CNTNAP4: variants seen among roughly 807,000 people sequenced by gnomAD.
CNTNAP4 encodes the protein contactin associated protein family member 4, also known as contactin-associated protein-like 4.
Under a neutral mutation model 148.4 loss-of-function variants are expected in CNTNAP4, and 98 were observed. The observed-to-expected ratio is 0.66, with a 90% CI of 0.56 to 0.78. CNTNAP4 has a LOEUF of 0.78. Among genes scored for constraint, CNTNAP4 ranks in the 30% least tolerant of loss-of-function variants. CNTNAP4 has a pLI of 0.00. For missense variants in CNTNAP4, 1,935 were observed against 1,565.6 expected, an observed-to-expected ratio of 1.24 and a Z score of -3.98; for synonymous variants, 730 against 565.1, an observed-to-expected ratio of 1.29 and a Z score of -4.14.
At chr16:76,365,236 A>G (rs1597330019) in intron 3 of CNTNAP4, among the ~76,000 whole-genome samples, 2 of 151,940 alleles carry the variant, frequency 1.3e-5, no homozygotes, top group Non-Finnish European at 2.9e-5. Flanking sequence ...TGGTCTATAT[A>G]TCTGTTTTGA....
At chr16:76,326,507 A>T (rs1211840930) in intron 2 of CNTNAP4, among the ~76,000 whole-genome samples, 1 of 152,202 alleles carries the variant, frequency 6.6e-6, no homozygotes, top group Non-Finnish European at 1.5e-5. Context: ...ATGTATGTTT[A>T]TTGCGGCACT....
At chr16:76,530,212 AT>A (rs1365048067) in intron 17 of CNTNAP4, among the ~76,000 whole-genome samples, 1 of 151,854 alleles carries the variant, frequency 6.6e-6, no homozygotes, top group Admixed American at 6.6e-5. Flanking sequence ...CCAGATTTTT[AT>A]TTTTTTAATT....
intron 15 of CNTNAP4, among the ~76,000 whole-genome samples, chr16:76,511,304 C>T (rs1173352708): frequency 5.9e-5 from 9 of 152,144 alleles, no homozygotes; most frequent in Admixed American, 5.9e-4. Context: ...ATTCTTGAGT[C>T]ACTGGAGTTA....
chr16:76,545,464 G>A lies in CNTNAP4; in HGVS notation c.3442+4674G>A, dbSNP rs913151342. On this transcript the variant is annotated intron_variant, in intron 21 of 23. Coordinates refer to ENST00000611870, the MANE Select transcript of CNTNAP4 (RefSeq NM_033401.5). ...GAAGTTGAGATTTTGTCATAAGCAC[G>A]TATAGTCATAGGCAGGTGGTCCCCG... Among the ~76,000 whole-genome samples the A allele has an allele frequency of 3.3e-5, 5 of 152,240 alleles. No individual in the cohort carries two copies. In the East Asian group the frequency reaches 7.7e-4, roughly 24 times the overall value.
Position 76,516,861 on chromosome 16 carries a change from C to T in CNTNAP4, c.2366-4279C>T, listed in dbSNP as rs112338844. On this transcript the variant is annotated intron_variant, in intron 15 of 23. Transcript: ENST00000611870. ...GGTGGATCACCTGAGGTCAGGAGTT[C>T]GAGACCAGCCTGGCCAACATGGTGA... Among the ~76,000 whole-genome samples the T allele has an allele frequency of 3.9e-3, 587 of 152,218 alleles. 2 individuals carry two copies. Among genetic ancestry groups the T allele is most frequent in the African/African-American group, 0.013 (554 of 41,550 alleles).
intron 1 of CNTNAP4, among the ~76,000 whole-genome samples, chr16:76,284,454 C>T (rs1356762167): frequency 2.0e-5 from 3 of 151,928 alleles, no homozygotes; most frequent in African/African-American, 7.2e-5. Context: ...ACAAAAATTA[C>T]AGAGTTTTGG....
In CNTNAP4 at chr16:76,513,389, AG is replaced by A. The variant is rs148423382; in HGVS notation, c.2366-7749del. Reference sequence around the variant, plus strand: ...TGAAGGAAATATAGTGTGATCGCAGAGGAGCATTGAGTGTGCACACTTGGCA... The same window carrying A: ...TGAAGGAAATATAGTGTGATCGCAGAGAGCATTGAGTGTGCACACTTGGCA... On this transcript the variant is annotated intron_variant, in intron 15 of 23. Coordinates refer to ENST00000611870, the MANE Select transcript of CNTNAP4 (RefSeq NM_033401.5). Among the ~76,000 whole-genome samples, 867 of 152,262 alleles carry A rather than the reference AG, an allele frequency of 5.7e-3. 5 individuals are homozygous for A. The highest frequency in any genetic ancestry group is 0.011 in the South Asian group (51 of 4,828).
At chr16:76,447,587 G>A (rs545266752) in intron 4 of CNTNAP4, among the ~76,000 whole-genome samples, 36 of 152,124 alleles carry the variant, frequency 2.4e-4, no homozygotes, top group Non-Finnish European at 3.4e-4. Context: ...TTACAGTGGT[G>A]TAGAGACAAT....
At chr16:76,331,433 C>T (rs902475761) in intron 2 of CNTNAP4, among the ~76,000 whole-genome samples, 2 of 151,436 alleles carry the variant, frequency 1.3e-5, no homozygotes, top group Non-Finnish European at 2.9e-5. Flanking sequence ...CGTGATCCAC[C>T]TGCCTCAGCA....
intron 1 of CNTNAP4, among the ~76,000 whole-genome samples, chr16:76,278,714 G>T (rs184731592): frequency 6.6e-6 from 1 of 152,176 alleles, no homozygotes; most frequent in Non-Finnish European, 1.5e-5. Context: ...TGGCTATGAG[G>T]CCTGTCCAGG....
intron 23 of CNTNAP4, 22 bp downstream of exon 23, chr16:76,553,929 CTCT>C (rs772483414): frequency 2.7e-6 from 4 of 1,457,474 alleles, no homozygotes; most frequent in East Asian, 2.3e-5. Context: ...CATGAATGAG[CTCT>C]TCTTTGGTTG....
intron 11 of CNTNAP4, among the ~76,000 whole-genome samples, chr16:76,476,962 A>G (rs745770466): frequency 5.9e-5 from 9 of 151,960 alleles, no homozygotes; most frequent in East Asian, 1.9e-4. Flanking sequence ...ATAAATAGTT[A>G]ATTTTATTCA....
chr16:76,315,732 C>T (rs1961661854), intron 1 of CNTNAP4, among the ~76,000 whole-genome samples: 1 of 152,064 alleles, frequency 6.6e-6, no homozygotes, highest in Admixed American at 6.5e-5. Context: ...GCAGCTGAGA[C>T]TACAGGCGTG....
intron 2 of CNTNAP4, among the ~76,000 whole-genome samples, chr16:76,333,647 T>A (rs1456525355): frequency 6.6e-6 from 1 of 152,172 alleles, no homozygotes; most frequent in East Asian, 1.9e-4. Flanking sequence ...TACATTCCTT[T>A]TTTTGCATGC....
chr16:76,452,582 A>G lies in CNTNAP4; in HGVS notation c.1146A>G (p.Ala382=), dbSNP rs764826662. The change falls in exon 8 of 24, where the codon GCA becomes GCG. Residue 382 remains alanine, a synonymous_variant. Coordinates refer to ENST00000611870, the MANE Select transcript of CNTNAP4 (RefSeq NM_033401.5). ...TTCTGAGCTCCAGGAGTTATTTAGC[A>G]CTGCCAGACTTCTCTGGAGAGGAGG... ...VTFLSSRSYL[A]LPDFSGEEEV... is the part of the protein sequence containing the mutation. 1.9e-6 allele frequency: 3 copies of G among 1,613,846 alleles called. No individual in the cohort carries two copies. The highest frequency in any genetic ancestry group is 1.7e-6 in the Non-Finnish European group (2 of 1,179,872).
chr16:76,321,378 C>T (rs2144141881), intron 2 of CNTNAP4, among the ~76,000 whole-genome samples: 1 of 152,214 alleles, frequency 6.6e-6, no homozygotes, highest in African/African-American at 2.4e-5. Flanking sequence ...ATTAAATCTT[C>T]CAAGATATGC....
At position 76,522,687 on chromosome 16, in the gene CNTNAP4, C is replaced by CTTTCTTTTCTTT. The variant is rs2083523317; in HGVS notation, c.2755+432_2755+443dup. Among the ~76,000 whole-genome samples, 13 of 30,122 alleles carry CTTTCTTTTCTTT rather than the reference C, an allele frequency of 4.3e-4. 4 individuals are homozygous for CTTTCTTTTCTTT. Among genetic ancestry groups the CTTTCTTTTCTTT allele is most frequent in the Non-Finnish European group, 5.3e-4 (8 of 15,186 alleles). 19.8% of individuals were successfully genotyped at this position (30,122 alleles called of 152,430 possible). A position where few individuals can be genotyped will look rare whatever the true frequency, so the allele number is the denominator to read the frequency against. On this transcript the variant is annotated intron_variant, in intron 17 of 23. Coordinates refer to ENST00000611870, the MANE Select transcript of CNTNAP4 (RefSeq NM_033401.5). ...CTTTCCTTCTTTCTCTCTTTCTCTC[C>CTTTCTTTTCTTT]TTTCTTTTCTTTTCTTTTCTTTTCT... is the stretch of plus-strand genomic sequence containing the variant.
At chr16:76,460,773 A>AAAAAAAAAAAAAAATATAT in intron 8 of CNTNAP4, among the ~76,000 whole-genome samples, 5 of 57,322 alleles carry the variant, frequency 8.7e-5, no homozygotes, top group Non-Finnish European at 1.6e-4. Context: ...AAAAAAAAAA[A>AAAAAAAAAAAAAAATATAT]ATATATATAT....
chr16:76,513,605 C>T (rs2083115161), intron 15 of CNTNAP4, among the ~76,000 whole-genome samples: 1 of 151,988 alleles, frequency 6.6e-6, no homozygotes, highest in African/African-American at 2.4e-5. Context: ...AATGTATTTT[C>T]TATACATGGA....
Sources: gnomAD v4.1 joint callset for allele counts (sites outside exome capture counted in the v4.1 genomes callset) on GRCh38, gnomAD v4.1.1 for gene constraint, MANE v1.5 for transcripts, NCBI Gene and HGNC (gene_info 2026-07-23, HGNC 2026-07-21) for gene names.